SRGAP2C: variants seen among roughly 807,000 people sequenced by gnomAD.
The protein encoded by SRGAP2C is SLIT-ROBO Rho GTPase-activating protein 2C.
A neutral mutation model predicts 25.1 loss-of-function variants in SRGAP2C; 15 were observed. The observed-to-expected ratio is 0.60, with a 90% confidence interval of 0.40 to 0.92. SRGAP2C has a LOEUF of 0.92. Ranked by LOEUF, SRGAP2C falls within the 40% of genes least tolerant of loss-of-function variation. The probability of loss-of-function intolerance (pLI) is 0.00; values close to 1 mark genes in which losing one functional copy is unlikely to be tolerated. For missense variants in SRGAP2C, 144 were observed against 264.4 expected, an observed-to-expected ratio of 0.54 and a Z score of 3.16; for synonymous variants, 44 against 96.6, an observed-to-expected ratio of 0.46 and a Z score of 3.19.
At chr1:121,308,991 G>T (rs1657914898) in intron 3 of SRGAP2C, among the ~76,000 whole-genome samples, 2 of 129,382 alleles carry the variant, frequency 1.5e-5, no homozygotes, top group Non-Finnish European at 1.6e-5. Flanking sequence ...AATGAAGTAG[G>T]GAATTTATGA....
intron 4 of SRGAP2C, chr1:121,361,792 A>G (rs1415325043): frequency 1.3e-5 from 2 of 148,250 alleles, no homozygotes; most frequent in African/African-American, 5.0e-5. Flanking sequence ...CCAGGCAAAG[A>G]TTACTATGCA....
At chr1:121,313,484 A>AT (rs1658009802) in intron 3 of SRGAP2C, among the ~76,000 whole-genome samples, 1 of 115,526 alleles carries the variant, frequency 8.7e-6, no homozygotes, top group African/African-American at 3.7e-5. Context: ...TTAGCTGGTG[A>AT]TTTTGCTCAT....
chr1:121,297,391 T>C (rs1174911112), intron 3 of SRGAP2C, among the ~76,000 whole-genome samples: 19 of 103,100 alleles, frequency 1.8e-4, no homozygotes, highest in African/African-American at 6.2e-4. Flanking sequence ...AACCAGAGCT[T>C]TGAGCCAGAA....
chr1:121,260,155 C>CCTGTAAT (rs1368284469), intron 2 of SRGAP2C, among the ~76,000 whole-genome samples: 16 of 147,812 alleles, frequency 1.1e-4, no homozygotes, highest in African/African-American at 4.0e-4. Flanking sequence ...GTGTGAGCTA[C>CCTGTAAT]CTGTGCCTGG....
chr1:121,213,685 C>T (rs782732034), intron 2 of SRGAP2C, among the ~76,000 whole-genome samples: 1 of 71,234 alleles, frequency 1.4e-5, no homozygotes, highest in Non-Finnish European at 2.7e-5. Flanking sequence ...TCTGTAGTAG[C>T]CAGATGGCCT....
At chr1:121,189,820 C>T (rs1278351132) in intron 2 of SRGAP2C, among the ~76,000 whole-genome samples, 1 of 113,952 alleles carries the variant, frequency 8.8e-6, no homozygotes, top group Non-Finnish European at 1.8e-5. Context: ...TCCAGTCCAT[C>T]CCAAGTGCTT....
intron 3 of SRGAP2C, among the ~76,000 whole-genome samples, chr1:121,314,448 T>G (rs1440322843): frequency 3.0e-4 from 46 of 152,210 alleles, no homozygotes; most frequent in Middle Eastern, 3.2e-3. Context: ...TCTCCATCCA[T>G]CTTTGTTCCG....
chr1:121,272,166 A>AAG, intron 2 of SRGAP2C, among the ~76,000 whole-genome samples: 1 of 50,894 alleles, frequency 2.0e-5, no homozygotes, highest in African/African-American at 7.3e-5. Context: ...ATCTCAAAAA[A>AAG]AAAAAAAAAA....
intron 3 of SRGAP2C, among the ~76,000 whole-genome samples, chr1:121,312,606 G>A (rs1657991342): frequency 8.2e-6 from 1 of 121,554 alleles, no homozygotes; most frequent in African/African-American, 3.1e-5. Context: ...ATGCGTCCCA[G>A]AGATTCTGGT....
chr1:121,384,816 G>T (rs1659922080), intron 8 of SRGAP2C, among the ~76,000 whole-genome samples: 1 of 152,144 alleles, frequency 6.6e-6, no homozygotes, highest in Non-Finnish European at 1.5e-5. Flanking sequence ...GCGGACCACT[G>T]TCAAAGCATA....
Position 121,309,633 on chromosome 1 carries a change from C to A in SRGAP2C, c.261-14845C>A, listed in dbSNP as rs1230467488. On this transcript the variant is annotated intron_variant, in intron 3 of 9. Transcript: ENST00000367123. ...ATTCCCCTTCCTGTGTCCATGTGATCTCATTGTTCAATTCCCACCTATGAG... is the reference window on the plus strand; with the variant it reads ...ATTCCCCTTCCTGTGTCCATGTGATATCATTGTTCAATTCCCACCTATGAG... Among the ~76,000 whole-genome samples, 24 of 148,068 alleles carry A rather than the reference C, an allele frequency of 1.6e-4. No individual in the cohort carries two copies. In the Admixed American group the frequency reaches 1.6e-3, roughly 10 times the overall value.
chr1:121,323,651 C>T (rs1223232870), intron 3 of SRGAP2C, among the ~76,000 whole-genome samples: 2 of 135,534 alleles, frequency 1.5e-5, no homozygotes, highest in East Asian at 4.2e-4. Context: ...GGAATGAGCA[C>T]CTTGGTTTAG....
At chr1:121,298,431 T>C (rs1226410078) in intron 3 of SRGAP2C, among the ~76,000 whole-genome samples, 1 of 120,830 alleles carries the variant, frequency 8.3e-6, no homozygotes, top group Non-Finnish European at 1.7e-5. Flanking sequence ...CCTCCTGCAG[T>C]ATCTACCATC....
At chr1:121,243,974 C>G (rs1321315157) in intron 2 of SRGAP2C, among the ~76,000 whole-genome samples, 2 of 146,470 alleles carry the variant, frequency 1.4e-5, no homozygotes, top group Non-Finnish European at 3.0e-5. Flanking sequence ...AAGAGGGCTG[C>G]CTTTAGGGTT....
At chr1:121,270,848 A>C (rs1156782086) in intron 2 of SRGAP2C, among the ~76,000 whole-genome samples, 1 of 147,602 alleles carries the variant, frequency 6.8e-6, no homozygotes, top group African/African-American at 2.5e-5. Context: ...GCTGGAGTGC[A>C]GTGGTGCCAT....
At chr1:121,345,643 G>T (rs1316459570) in intron 4 of SRGAP2C, among the ~76,000 whole-genome samples, 5 of 133,606 alleles carry the variant, frequency 3.7e-5, no homozygotes, top group African/African-American at 1.4e-4. Context: ...CCTCTGGGTT[G>T]CTCTTCTTTT....
intron 3 of SRGAP2C, among the ~76,000 whole-genome samples, chr1:121,318,452 TA>T (rs1658131399): frequency 4.5e-5 from 1 of 22,028 alleles, no homozygotes; most frequent in Admixed American, 5.6e-4. Context: ...GAATTTAGGT[TA>T]AAAAATCCAA....
chr1:121,236,234 C>T (rs587687880), intron 2 of SRGAP2C, among the ~76,000 whole-genome samples: 1 of 152,158 alleles, frequency 6.6e-6, no homozygotes, highest in East Asian at 1.9e-4. Flanking sequence ...TGCACCCCTG[C>T]TTATAGCCAG....
chr1:121,264,630 T>C (rs1320838579), intron 2 of SRGAP2C, among the ~76,000 whole-genome samples: 1 of 151,020 alleles, frequency 6.6e-6, no homozygotes, highest in Non-Finnish European at 1.5e-5. Flanking sequence ...TGGAGTACTT[T>C]TCCTGCCTTC....
Sources: gnomAD v4.1 joint callset for allele counts (sites outside exome capture counted in the v4.1 genomes callset) on GRCh38, gnomAD v4.1.1 for gene constraint, MANE v1.5 for transcripts, NCBI Gene and HGNC (gene_info 2026-07-23, HGNC 2026-07-21) for gene names.